POLE4: variants seen among roughly 807,000 people sequenced by gnomAD.
The protein encoded by POLE4 is DNA polymerase epsilon 4, accessory subunit.
In POLE4, 15 loss-of-function variants were observed where a neutral mutation model predicts 15.6. The observed-to-expected ratio is 0.96, with a 90% confidence interval of 0.64 to 1.48. The LOEUF is 1.48. Among genes scored for constraint, POLE4 ranks in the 40% most tolerant of loss-of-function variants. The pLI is 0.00. For missense variants in POLE4, 205 were observed against 151.9 expected (o/e 1.35, Z -1.84); for synonymous variants, 83 against 63.2 (o/e 1.31, Z -1.49).
chr2:74,969,503 G>A lies in POLE4; in HGVS notation c.*81G>A, dbSNP rs1156677308. On this transcript the variant is annotated 3_prime_UTR_variant, in exon 4 of 4. Coordinates refer to ENST00000483063, the MANE Select transcript of POLE4 (RefSeq NM_019896.4). Reference sequence around the variant, plus strand: ...TGCACAGGCCTCAGCTTTGAAGAACGGAGTCTTTGCACTTACACACACTCT... The same window carrying A: ...TGCACAGGCCTCAGCTTTGAAGAACAGAGTCTTTGCACTTACACACACTCT... The A allele has an allele frequency of 6.9e-6, 9 of 1,297,934 alleles. No homozygotes were observed. In the East Asian group the frequency reaches 9.2e-5, roughly 13 times the overall value. 80.4% of individuals were successfully genotyped at this position (1,297,934 alleles called of 1,614,324 possible). A position where few individuals can be genotyped will look rare whatever the true frequency, so the allele number is the denominator to read the frequency against.
At chr2:74,962,413 C>T (rs190770539) in intron 3 of POLE4, among the ~76,000 whole-genome samples, 3 of 152,258 alleles carry the variant, frequency 2.0e-5, no homozygotes, top group African/African-American at 4.8e-5. Flanking sequence ...ACAATTAAAT[C>T]TTCCATGCTT....
chr2:74,968,611 A>C (rs966480126), intron 3 of POLE4, among the ~76,000 whole-genome samples: 3 of 147,386 alleles, frequency 2.0e-5, no homozygotes, highest in African/African-American at 7.5e-5. Context: ...TTTAGAAGAG[A>C]GCCCTGTGAT....
chr2:74,961,024 G>T (rs1054609211), intron 3 of POLE4: 2 of 158,628 alleles, frequency 1.3e-5, no homozygotes, highest in Non-Finnish European at 2.8e-5. Context: ...ATACCATCTA[G>T]CTTTGTGTAA....
At chr2:74,961,915 A>AT (rs1671226047) in intron 3 of POLE4, among the ~76,000 whole-genome samples, 2 of 152,022 alleles carry the variant, frequency 1.3e-5, no homozygotes, top group Admixed American at 6.5e-5. Context: ...AAGTAAATAC[A>AT]TTTTTTTCGT....
intron 3 of POLE4, chr2:74,960,741 A>G: frequency 5.2e-6 from 2 of 387,208 alleles, no homozygotes; most frequent in Non-Finnish European, 1.0e-5. Context: ...GTATGTAGTC[A>G]TGTGCTGCGT....
At chr2:74,960,479 C>G in intron 3 of POLE4, 4 of 467,946 alleles carry the variant, frequency 8.5e-6, no homozygotes, top group South Asian at 3.5e-5. Context: ...TGTTACAGAT[C>G]AGAAACAATT....
At chr2:74,965,207 C>G (rs1671279145) in intron 3 of POLE4, among the ~76,000 whole-genome samples, 3 of 151,638 alleles carry the variant, frequency 2.0e-5, no homozygotes, top group Non-Finnish European at 2.9e-5. Flanking sequence ...GATTCTCCTG[C>G]CTCAGCCTCT....
rs184417842 is a variant in POLE4, at chr2:74,964,110, C to T, written c.340+3964C>T. 1.2e-3 allele frequency among the ~76,000 whole-genome samples: 176 copies of T among 152,274 alleles called. 1 individual carries two copies. The highest frequency in any genetic ancestry group is 4.0e-3 in the African/African-American group (167 of 41,542). ...TATTTAGATATCCGCTTGTCCATAT[C>T]GTCATCTCACTGCTTTGCAGTGCTA... On this transcript the variant is annotated intron_variant, in intron 3 of 3. Transcript: ENST00000483063.
chr2:74,964,286 G>GT (rs1183258217), intron 3 of POLE4, among the ~76,000 whole-genome samples: 1 of 151,752 alleles, frequency 6.6e-6, no homozygotes, highest in African/African-American at 2.4e-5. Flanking sequence ...TTCCCACCTT[G>GT]TTTTTTTCTA....
rs778831049 is a variant in POLE4, at chr2:74,959,361, T to C, written c.234T>C (p.Ile78=). 41 of 1,613,620 alleles carry C rather than the reference T, an allele frequency of 2.5e-5. No individual in the cohort carries two copies. The South Asian group carries it at 4.5e-4, about 18-fold the overall frequency. ...CACAGGAACTGTTTGTGGAGACCAT[T>C]GCAAAAGATGCCTACTGTTGCGCTC... ...ARAAELFVET[I]AKDAYCCAQQ... is the part of the protein sequence containing the mutation. The change falls in exon 2 of 4, where the codon ATT becomes ATC. Residue 78 remains isoleucine (I), a synonymous_variant. Coordinates refer to ENST00000483063, the MANE Select transcript of POLE4 (RefSeq NM_019896.4).
rs1251898149 is a variant in POLE4, at chr2:74,969,998, C to T, written c.*576C>T. 2 of 152,776 alleles carry T rather than the reference C, an allele frequency of 1.3e-5. No individual in the cohort carries two copies. The highest frequency in any genetic ancestry group is 3.8e-4 in the East Asian group (2 of 5,210). 9.5% of individuals were successfully genotyped at this position (152,776 alleles called of 1,614,324 possible). On this transcript the variant is annotated 3_prime_UTR_variant, in exon 4 of 4. Coordinates refer to ENST00000483063, the MANE Select transcript of POLE4 (RefSeq NM_019896.4). The stretch of plus-strand genomic sequence containing the variant: ...TTTAAGTTTTATTTATTGACATATC[C>T]ACATACTCTATATTTCACCAATTTA...
At chr2:74,964,154 G>T (rs566257966) in intron 3 of POLE4, among the ~76,000 whole-genome samples, 1 of 152,108 alleles carries the variant, frequency 6.6e-6, no homozygotes, top group African/African-American at 2.4e-5. Flanking sequence ...ATCAATCAAG[G>T]CTGTTTCTGG....
intron 3 of POLE4, chr2:74,961,262 C>T (rs1671217346): frequency 6.6e-6 from 1 of 152,218 alleles, no homozygotes; most frequent in Admixed American, 6.5e-5. Context: ...CTGCATCTCC[C>T]TGTCAACCTA....
In POLE4 at chr2:74,969,465, C is replaced by T. The variant is rs746550344; in HGVS notation, c.*43C>T. The stretch of plus-strand genomic sequence containing the variant: ...TTTGTGAGCCTTCATCTGAAGCCTT[C>T]AGTTCACCCCTCTGCACAGGCCTCA... On this transcript the variant is annotated 3_prime_UTR_variant, in exon 4 of 4. Transcript: ENST00000483063. The T allele has an allele frequency of 6.3e-7, 1 of 1,594,226 alleles. No homozygotes were observed. Among genetic ancestry groups the T allele is most frequent in the Non-Finnish European group, 8.6e-7 (1 of 1,161,908 alleles).
chr2:74,966,049 GT>G (rs142235760), intron 3 of POLE4, among the ~76,000 whole-genome samples: 13 of 143,446 alleles, frequency 9.1e-5, no homozygotes, highest in South Asian at 4.4e-4. Flanking sequence ...TTTATGTTTT[GT>G]TTTTTTTTTC....
At chr2:74,967,723 T>C (rs1324836189) in intron 3 of POLE4, among the ~76,000 whole-genome samples, 1 of 152,232 alleles carries the variant, frequency 6.6e-6, no homozygotes, top group Non-Finnish European at 1.5e-5. Context: ...AAAGTATTTG[T>C]TAGATAAGTT....
intron 3 of POLE4, among the ~76,000 whole-genome samples, chr2:74,966,701 G>T (rs1228550599): frequency 6.6e-6 from 1 of 152,234 alleles, no homozygotes; most frequent in East Asian, 1.9e-4. Context: ...GCTGTGCTTG[G>T]CCTCCTTTCT....
chr2:74,967,200 C>T (rs1404818690), intron 3 of POLE4, among the ~76,000 whole-genome samples: 2 of 152,018 alleles, frequency 1.3e-5, no homozygotes, highest in African/African-American at 4.8e-5. Context: ...TCTGGGATTC[C>T]CATTAAATAT....
intron 3 of POLE4, among the ~76,000 whole-genome samples, chr2:74,962,967 A>G (rs1671246441): frequency 6.6e-6 from 1 of 152,210 alleles, no homozygotes; most frequent in Non-Finnish European, 1.5e-5. Flanking sequence ...TATGAGATTC[A>G]TCTGTGTGAT....
Sources: allele counts gnomAD v4.1 joint callset (sites outside exome capture counted in the v4.1 genomes callset), GRCh38; gene constraint gnomAD v4.1.1; transcripts MANE v1.5; gene names NCBI Gene and HGNC (gene_info 2026-07-23, HGNC 2026-07-21).